Variants in PROK1 observed in about 807,000 individuals in gnomAD.
The protein encoded by PROK1 is prokineticin 1, also known as prokineticin-1.
In PROK1, 10 loss-of-function variants were observed where a neutral mutation model predicts 8.8. The ratio of observed to expected loss-of-function variants is 1.13; its 90% CI spans 0.70 to 1.92. PROK1 has a LOEUF of 1.92. PROK1 is among the 30% of genes most tolerant of loss of function. The pLI is 0.00. For missense variants in PROK1, 140 were observed against 139.7 expected (o/e 1.00, Z -0.01); for synonymous variants, 57 against 56.0 (o/e 1.02, Z -0.08).
intron 2 of PROK1, among the ~76,000 whole-genome samples, chr1:110,454,745 T>C (rs563457906): frequency 2.6e-5 from 4 of 152,340 alleles, no homozygotes; most frequent in Admixed American, 6.5e-5. Context: ...GCCACACTTA[T>C]ATGATGAGTG....
In PROK1 at chr1:110,456,403, G is replaced by T. The variant is rs768372286; in HGVS notation, c.*52G>T. 2.2e-5 allele frequency: 36 copies of T among 1,609,830 alleles called. No homozygotes were observed. Among genetic ancestry groups the T allele is most frequent in the Non-Finnish European group, 1.7e-5 (20 of 1,179,400 alleles). On this transcript the variant is annotated 3_prime_UTR_variant, in exon 3 of 3. Transcript: ENST00000271331. ...CCATCCTTTTCCTGAGCACAGCCTG[G>T]ATTTTTATTTCTGCCATGAAACCCA... is the stretch of plus-strand genomic sequence containing the variant.
intron 1 of PROK1, among the ~76,000 whole-genome samples, chr1:110,452,491 G>A (rs541645977): frequency 1.3e-5 from 2 of 152,386 alleles, no homozygotes; most frequent in East Asian, 1.9e-4. Flanking sequence ...CAGGAGCAGC[G>A]TGGTTGGCCT....
At position 110,456,469 on chromosome 1, in the gene PROK1, T is replaced by C; in HGVS notation, c.*118T>C. ...CCAGTCCCTACACTGACTACCCTGA[T>C]CTCTCTTGTCTAGTACGCACATATG... On this transcript the variant is annotated 3_prime_UTR_variant, in exon 3 of 3. Coordinates refer to ENST00000271331, the MANE Select transcript of PROK1 (RefSeq NM_032414.3). 3.2e-6 allele frequency: 4 copies of C among 1,268,448 alleles called. No individual in the cohort carries two copies. The highest frequency in any genetic ancestry group is 1.2e-5 in the South Asian group (1 of 81,850). The allele number at this position is 1,268,448 out of a possible 1,614,324, so 78.6% of individuals were successfully genotyped here. A position where few individuals can be genotyped will look rare whatever the true frequency, so the allele number is the denominator to read the frequency against.
intron 1 of PROK1, among the ~76,000 whole-genome samples, chr1:110,451,615 A>AT (rs1367833929): frequency 6.6e-6 from 1 of 152,176 alleles, no homozygotes; most frequent in African/African-American, 2.4e-5. Context: ...TATAAAGTGG[A>AT]TTGGCAAACC....
chr1:110,456,328 G>A lies in PROK1; in HGVS notation c.295G>A (p.Asp99Asn). Residue 99 changes from aspartate to asparagine, a missense_variant, in exon 3 of 3, where the codon GAC (aspartate) becomes AAC (asparagine). Transcript: ENST00000271331. ...FPDGRYRCSM[D>N]LKNINF Reference sequence around the variant, plus strand: ...GGACGGCAGGTACCGCTGCTCCATGGACTTGAAGAACATCAATTTTTAGGC... The same window carrying A: ...GGACGGCAGGTACCGCTGCTCCATGAACTTGAAGAACATCAATTTTTAGGC... The A allele has an allele frequency of 1.2e-6, 2 of 1,614,032 alleles. No homozygotes were observed. The highest frequency in any genetic ancestry group is 1.7e-6 in the Non-Finnish European group (2 of 1,180,024).
chr1:110,453,845 T>A (rs1664127708), intron 1 of PROK1, 116 bp from the exon 2 acceptor site: 3 of 1,390,010 alleles, frequency 2.2e-6, no homozygotes. Context: ...AGGCCGGGGG[T>A]GATACTCTCA....
At chr1:110,455,961 G>C (rs1369692732) in intron 2 of PROK1, among the ~76,000 whole-genome samples, 2 of 152,170 alleles carry the variant, frequency 1.3e-5, no homozygotes, top group Non-Finnish European at 2.9e-5. Context: ...GTGTGTGCAG[G>C]CACATGTGTG....
chr1:110,451,232 C>T lies in PROK1; in HGVS notation c.16C>T (p.Arg6Ter), dbSNP rs187548600. MRGAT[R>*]VSIMLLLVTV... Reference sequence around the variant, plus strand: ...CCAAGTGACCATGAGAGGTGCCACGCGAGTCTCAATCATGCTCCTCCTAGT... The same window carrying T: ...CCAAGTGACCATGAGAGGTGCCACGTGAGTCTCAATCATGCTCCTCCTAGT... The change falls in exon 1 of 3, where the codon CGA becomes TGA. Residue 6 changes from arginine (R) to a stop codon, truncating the protein, a stop_gained. Transcript: ENST00000271331. LOFTEE classifies it high-confidence loss of function. The T allele has an allele frequency of 7.0e-5, 113 of 1,614,118 alleles. No individual in the cohort carries two copies. Among genetic ancestry groups the T allele is most frequent in the Admixed American group, 5.2e-4 (31 of 60,022 alleles).
In PROK1 at chr1:110,456,797, G is replaced by T. The variant is rs182579837; in HGVS notation, c.*446G>T. 1 of 254,848 alleles carries T rather than the reference G, an allele frequency of 3.9e-6. No individual in the cohort carries two copies. The highest frequency in any genetic ancestry group is 7.8e-6 in the Non-Finnish European group (1 of 128,738). 15.8% of individuals were successfully genotyped at this position (254,848 alleles called of 1,614,324 possible). On this transcript the variant is annotated 3_prime_UTR_variant, in exon 3 of 3. Transcript: ENST00000271331. The stretch of plus-strand genomic sequence containing the variant: ...CTGGCCTGACCCTCAGGCCCTTCAC[G>T]TGAGGTCTGTGAGGACCAATTTGTG...
chr1:110,456,549 T>G lies in PROK1; in HGVS notation c.*198T>G. On this transcript the variant is annotated 3_prime_UTR_variant, in exon 3 of 3. Coordinates refer to ENST00000271331, the MANE Select transcript of PROK1 (RefSeq NM_032414.3). ...CATGGTCCCCAGGCTGGCCTGAGGA[T>G]GTCACAGCTTGAGGCTGTGGTGTGA... The G allele has an allele frequency of 2.9e-6, 2 of 694,174 alleles. No homozygotes were observed. Among genetic ancestry groups the G allele is most frequent in the Non-Finnish European group, 4.9e-6 (2 of 404,492 alleles). 43.0% of individuals were successfully genotyped at this position (694,174 alleles called of 1,614,324 possible).
rs1260249735 is a variant in PROK1 at position 110,453,766 on chromosome 1, C to G, written c.73-195C>G. 3.9e-5 allele frequency among the ~76,000 whole-genome samples: 6 copies of G among 152,346 alleles called. No homozygotes were observed. In the East Asian group the frequency reaches 1.2e-3, roughly 29 times the overall value. ...CCTCAGATCCAGATCCAATGCCCCC[C>G]TGAGCCCTGAGCCTCCCCACGAGGG... On this transcript the variant is annotated intron_variant, in intron 1 of 2. Coordinates refer to ENST00000271331, the MANE Select transcript of PROK1 (RefSeq NM_032414.3).
rs572729312 is a variant in PROK1, at chr1:110,453,211, C to T, written c.73-750C>T. On this transcript the variant is annotated intron_variant, in intron 1 of 2. Coordinates refer to ENST00000271331, the MANE Select transcript of PROK1 (RefSeq NM_032414.3). The stretch of plus-strand genomic sequence containing the variant: ...AAGTGTGGATGCTTCTTCAGCAGGT[C>T]CCCACCTGAGTCTGGAGCAGTTAAG... Among the ~76,000 whole-genome samples, 3 of 152,328 alleles carry T rather than the reference C, an allele frequency of 2.0e-5. No individual in the cohort carries two copies. In the East Asian group the frequency reaches 5.8e-4, roughly 29 times the overall value.
intron 1 of PROK1, among the ~76,000 whole-genome samples, chr1:110,451,712 C>T (rs1332871610): frequency 6.6e-6 from 1 of 152,178 alleles, no homozygotes; most frequent in East Asian, 1.9e-4. Context: ...AGCATGTTGA[C>T]TTAATTAAAG....
At position 110,456,937 on chromosome 1, in the gene PROK1, G is replaced by A. The variant is rs991114533; in HGVS notation, c.*586G>A. ...CCCAAGGCAGGTGTAGGGAGCCCAG[G>A]GAGGCCAATCAGCCCCCTGAAGACT... is the stretch of plus-strand genomic sequence containing the variant. On this transcript the variant is annotated 3_prime_UTR_variant, in exon 3 of 3. Transcript: ENST00000271331. 3 of 167,070 alleles carry A rather than the reference G, an allele frequency of 1.8e-5. No individual in the cohort carries two copies. The highest frequency in any genetic ancestry group is 5.5e-5 in the Admixed American group (1 of 18,164). 10.3% of individuals were successfully genotyped at this position (167,070 alleles called of 1,614,324 possible). A position where few individuals can be genotyped will look rare whatever the true frequency, so the allele number is the denominator to read the frequency against.
intron 1 of PROK1, among the ~76,000 whole-genome samples, chr1:110,451,675 CATATTA>C (rs1035689055): frequency 2.0e-4 from 31 of 152,244 alleles, no homozygotes; most frequent in African/African-American, 7.5e-4. Flanking sequence ...GTCTGATTCA[CATATTA>C]ATATTAATAT....
chr1:110,453,530 G>A (rs1664122406), intron 1 of PROK1, among the ~76,000 whole-genome samples: 1 of 152,220 alleles, frequency 6.6e-6, no homozygotes, highest in African/African-American at 2.4e-5. Flanking sequence ...CAGGGCTGGA[G>A]ACTCCTGGTC....
chr1:110,451,742 G>T (rs1664091100), intron 1 of PROK1, among the ~76,000 whole-genome samples: 1 of 152,092 alleles, frequency 6.6e-6, no homozygotes, highest in Admixed American at 6.5e-5. Flanking sequence ...TTAATTAAAG[G>T]TGGTAAGCTT....
chr1:110,454,158 G>A (rs1664135445), intron 2 of PROK1, 72 bp downstream of exon 2: 4 of 1,564,948 alleles, frequency 2.6e-6, no homozygotes, highest in South Asian at 2.4e-5. Flanking sequence ...GATGTCCTGG[G>A]GCCTTGCTCT....
At chr1:110,453,440 C>T (rs548196797) in intron 1 of PROK1, among the ~76,000 whole-genome samples, 4 of 152,134 alleles carry the variant, frequency 2.6e-5, no homozygotes, top group Non-Finnish European at 5.9e-5. Flanking sequence ...GTGCTGGCCC[C>T]TCTGCTGAGG....
Sources: gnomAD v4.1 joint callset for allele counts (sites outside exome capture counted in the v4.1 genomes callset) on GRCh38, gnomAD v4.1.1 for gene constraint, MANE v1.5 for transcripts, NCBI Gene and HGNC (gene_info 2026-07-23, HGNC 2026-07-21) for gene names.